NEK10: variants seen among roughly 807,000 people sequenced by gnomAD.
NEK10 encodes the protein NIMA related kinase 10.
A neutral mutation model predicts 159.8 loss-of-function variants in NEK10; 122 were observed. The observed-to-expected ratio is 0.76, with a 90% CI of 0.66 to 0.89. NEK10 has a LOEUF of 0.89. Among genes scored for constraint, NEK10 ranks in the 40% least tolerant of loss-of-function variants. The pLI, the probability that NEK10 is intolerant of heterozygous loss-of-function variation, is 0.00. For synonymous variants in NEK10, 466 were observed against 457.1 expected (o/e 1.02, Z -0.25); for missense variants, 1,342 against 1,323.1 (o/e 1.01, Z -0.22).
At chr3:27,112,358 G>C (rs1412280119) in intron 35 of NEK10, among the ~76,000 whole-genome samples, 1 of 152,230 alleles carries the variant, frequency 6.6e-6, no homozygotes, top group Non-Finnish European at 1.5e-5. Flanking sequence ...TGGCTGGCTA[G>C]ATGATGTGTG....
chr3:27,253,528 C>A (rs1575458611), intron 23 of NEK10, among the ~76,000 whole-genome samples: 1 of 152,198 alleles, frequency 6.6e-6, no homozygotes, highest in Non-Finnish European at 1.5e-5. Flanking sequence ...TGTTCTAGTA[C>A]AATCGGTCCA....
chr3:27,274,208 G>A (rs1345686524), intron 22 of NEK10, among the ~76,000 whole-genome samples: 4 of 152,044 alleles, frequency 2.6e-5, no homozygotes, highest in Non-Finnish European at 5.9e-5. Context: ...TGAGGGAGAG[G>A]GAAGGAACTT....
intron 25 of NEK10, among the ~76,000 whole-genome samples, chr3:27,193,485 C>T (rs1029355324): frequency 6.6e-6 from 1 of 151,802 alleles, no homozygotes; most frequent in Non-Finnish European, 1.5e-5. Flanking sequence ...CCTTAACTTC[C>T]TCCACTCTTT....
rs142343121 is a variant in NEK10, at chr3:27,202,514, C to T, written c.2134G>A (p.Val712Ile). ...KSEPYGEKAD[V>I]WAVGCILYQM... ...TAAAGGATGCAGCCTACTGCCCAGA[C>T]ATCAGCCTTCTCCCCATACGGCTCA... The change falls in exon 24 of 36, where the codon GTC becomes ATC. Residue 712 changes from valine to isoleucine, a missense_variant. Transcript: ENST00000691995. 1.2e-6 allele frequency: 2 copies of T among 1,612,852 alleles called. No homozygotes were observed. The highest frequency in any genetic ancestry group is 1.3e-5 in the African/African-American group (1 of 75,000).
chr3:27,181,984 A>G (rs142810212), intron 26 of NEK10, among the ~76,000 whole-genome samples: 1 of 152,188 alleles, frequency 6.6e-6, no homozygotes, highest in East Asian at 1.9e-4. Context: ...AATACAACAG[A>G]CCTAGAACAC....
At chr3:27,342,720 C>G (rs945602353) in intron 5 of NEK10, among the ~76,000 whole-genome samples, 19 of 152,036 alleles carry the variant, frequency 1.2e-4, no homozygotes, top group Non-Finnish European at 5.9e-5. Flanking sequence ...GTTATTTTCC[C>G]TAACAATTTC....
At chr3:27,210,331 G>T (rs1248912742) in intron 23 of NEK10, among the ~76,000 whole-genome samples, 1 of 152,048 alleles carries the variant, frequency 6.6e-6, no homozygotes. Context: ...TCTCCCTCTA[G>T]TCCCATTCTC....
intron 28 of NEK10, 76 bp from the exon 29 acceptor site, chr3:27,171,949 A>T: frequency 7.0e-7 from 1 of 1,431,544 alleles, no homozygotes; most frequent in Non-Finnish European, 9.6e-7. Context: ...TAATAAAACA[A>T]TACTGAACAA....
In NEK10 at chr3:27,201,549, T is replaced by A; in HGVS notation, c.2252A>T (p.Glu751Val). 1 of 1,614,080 alleles carries A rather than the reference T, an allele frequency of 6.2e-7. No individual in the cohort carries two copies. The highest frequency in any genetic ancestry group is 8.5e-7 in the Non-Finnish European group (1 of 1,179,954). The change falls in exon 25 of 36, where the codon GAA becomes GTA. Residue 751 changes from glutamate (E) to valine (V), a missense_variant. Coordinates refer to ENST00000691995, the MANE Select transcript of NEK10 (RefSeq NM_001394966.1). ...TGTTACTTTTTCAGAGTAGATACCT[T>A]CTGGGACTGGTTCATATACCGCCTC... Reference protein sequence around the residue: ...IVEAVYEPVPEGIYSEKVTDT... With the variant: ...IVEAVYEPVPVGIYSEKVTDT...
intron 5 of NEK10, among the ~76,000 whole-genome samples, chr3:27,341,537 C>T (rs1303100177): frequency 6.6e-6 from 1 of 151,922 alleles, no homozygotes; most frequent in Non-Finnish European, 1.5e-5. Context: ...GATTAGTTAC[C>T]ATTGTGTAAC....
intron 26 of NEK10, among the ~76,000 whole-genome samples, chr3:27,175,161 T>A (rs1267160971): frequency 6.6e-6 from 1 of 152,186 alleles, no homozygotes; most frequent in African/African-American, 2.4e-5. Flanking sequence ...TTTCTCTCCC[T>A]TAAGTTTTTT....
intron 23 of NEK10, among the ~76,000 whole-genome samples, chr3:27,232,728 A>T (rs1002912757): frequency 2.0e-5 from 3 of 152,134 alleles, no homozygotes; most frequent in Non-Finnish European, 4.4e-5. Context: ...AGACAATGGA[A>T]CAGAATAGAG....
chr3:27,201,495 C>A lies in NEK10; in HGVS notation c.2291+15G>T. ...TTGATTGTCCCTACATGTCTGAAGC[C>A]GCAAGACTAATTACCTGCTGATGGT... On this transcript the variant is annotated intron_variant, in intron 25 of 35. Transcript: ENST00000691995. The A allele has an allele frequency of 6.2e-7, 1 of 1,611,154 alleles. No homozygotes were observed.
At chr3:27,274,638 C>T (rs1488040609) in intron 22 of NEK10, among the ~76,000 whole-genome samples, 4 of 151,918 alleles carry the variant, frequency 2.6e-5, no homozygotes, top group African/African-American at 9.7e-5. Flanking sequence ...CATATGCGCA[C>T]ACATGCAGGC....
chr3:27,252,785 AG>A (rs1395283872), intron 23 of NEK10: 4 of 432,244 alleles, frequency 9.3e-6, no homozygotes, highest in Non-Finnish European at 1.9e-5. Flanking sequence ...GGTCAGAGGG[AG>A]CCCAGATGAA....
chr3:27,305,159 C>A (rs186895070), intron 11 of NEK10, among the ~76,000 whole-genome samples, 188 bp from the exon 12 acceptor site: 156 of 152,294 alleles, frequency 1.0e-3, no homozygotes, highest in African/African-American at 3.7e-3. Flanking sequence ...ACTGTACAAT[C>A]TGTGTCACAA....
At chr3:27,250,779 C>T (rs1179705971) in intron 23 of NEK10, among the ~76,000 whole-genome samples, 4 of 152,120 alleles carry the variant, frequency 2.6e-5, no homozygotes, top group Non-Finnish European at 5.9e-5. Flanking sequence ...GAAAAGTCTG[C>T]TGCCAGATGT....
Position 27,340,977 on chromosome 3 carries a change from A to T in NEK10, c.362+3295T>A, listed in dbSNP as rs1002970075. On this transcript the variant is annotated intron_variant, in intron 5 of 35. Transcript: ENST00000691995. ...TACACCAACAAACAAATGAATTTTT[A>T]AAATGTAGTATATATATAAAATGAA... is the stretch of plus-strand genomic sequence containing the variant. 2.3e-4 allele frequency among the ~76,000 whole-genome samples: 35 copies of T among 152,230 alleles called. 1 individual carries two copies. The highest frequency in any genetic ancestry group is 1.5e-5 in the Non-Finnish European group (1 of 68,032).
At chr3:27,134,859 T>C (rs890644346) in intron 31 of NEK10, among the ~76,000 whole-genome samples, 4 of 152,218 alleles carry the variant, frequency 2.6e-5, no homozygotes, top group Non-Finnish European at 5.9e-5. Flanking sequence ...ATATTATACG[T>C]AAGGACTATA....
Sources: gnomAD v4.1 joint callset for allele counts (sites outside exome capture counted in the v4.1 genomes callset) on GRCh38, gnomAD v4.1.1 for gene constraint, MANE v1.5 for transcripts, NCBI Gene and HGNC (gene_info 2026-07-23, HGNC 2026-07-21) for gene names.